The following SLC25A21 variants were observed in gnomAD, a reference collection of about 807,000 sequenced individuals.
The protein encoded by SLC25A21 is mitochondrial 2-oxodicarboxylate carrier.
In SLC25A21, 47 loss-of-function variants were observed where a neutral mutation model predicts 43.8. That is an observed-to-expected ratio of 1.07 (90% CI 0.85 to 1.37). The LOEUF is 1.37. SLC25A21 is among the 40% of genes most tolerant of loss of function. SLC25A21 has a pLI of 0.00. For missense variants in SLC25A21, 352 were observed against 350.2 expected (o/e 1.00, Z -0.04); for synonymous variants, 131 against 121.3 (o/e 1.08, Z -0.52).
intron 1 of SLC25A21, among the ~76,000 whole-genome samples, chr14:36,920,157 C>T (rs183195264): frequency 6.6e-5 from 10 of 151,984 alleles, no homozygotes; most frequent in African/African-American, 2.4e-4. Context: ...CTATTTTTCA[C>T]TTACGGCAGT....
chr14:36,850,767 C>T (rs1375304044), intron 2 of SLC25A21, among the ~76,000 whole-genome samples: 1 of 152,166 alleles, frequency 6.6e-6, no homozygotes, highest in African/African-American at 2.4e-5. Context: ...AATTTTAACA[C>T]TATCCAGCCA....
Position 36,679,271 on chromosome 14 carries a change from T to TACA in SLC25A21, c.*1384_*1386dup, listed in dbSNP as rs1882071490. Reference sequence around the variant, plus strand: ...TTTAAAAAACACGTTGGAAAGGATGTACAACAGAAGGCTATGTATGTATAT... The same window carrying TACA: ...TTTAAAAAACACGTTGGAAAGGATGTACAACAACAGAAGGCTATGTATGTATAT... On this transcript the variant is annotated 3_prime_UTR_variant, in exon 10 of 10. Coordinates refer to ENST00000331299, the MANE Select transcript of SLC25A21 (RefSeq NM_030631.4). 1 of 982,836 alleles carries TACA rather than the reference T, an allele frequency of 1.0e-6. No homozygotes were observed. The highest frequency in any genetic ancestry group is 1.2e-6 in the Non-Finnish European group (1 of 827,532). 60.9% of individuals were successfully genotyped at this position (982,836 alleles called of 1,614,324 possible). A position where few individuals can be genotyped will look rare whatever the true frequency, so the allele number is the denominator to read the frequency against.
chr14:36,710,569 A>C (rs771102802), intron 7 of SLC25A21, among the ~76,000 whole-genome samples: 3 of 151,890 alleles, frequency 2.0e-5, no homozygotes, highest in Non-Finnish European at 4.4e-5. Context: ...TAGCTTCACT[A>C]TAAGTGCACA....
At chr14:36,751,302 C>T (rs145633318) in intron 3 of SLC25A21, among the ~76,000 whole-genome samples, 2 of 152,194 alleles carry the variant, frequency 1.3e-5, no homozygotes, top group East Asian at 3.9e-4. Context: ...AGGAAGTAGC[C>T]CCTGCTGTAA....
intron 1 of SLC25A21, among the ~76,000 whole-genome samples, chr14:37,128,577 T>TGC (rs1555348866): frequency 5.4e-5 from 8 of 149,166 alleles, no homozygotes; most frequent in African/African-American, 2.0e-4. Flanking sequence ...TGTGTGTGTG[T>TGC]GCATTTTGCT....
At chr14:36,875,070 C>T (rs712384) in intron 1 of SLC25A21, 66 bp from the exon 2 acceptor site, 1,208,358 of 1,339,540 alleles carry the variant, frequency 0.9, 547,273 homozygotes, top group Non-Finnish European at 0.92. Flanking sequence ...TCCTTGATCC[C>T]GTCGATTTCT....
chr14:36,781,391 C>T (rs1481491395), intron 3 of SLC25A21, among the ~76,000 whole-genome samples: 1 of 152,034 alleles, frequency 6.6e-6, no homozygotes, highest in Admixed American at 6.6e-5. Context: ...GACTATACTT[C>T]CTTTGTTCCT....
chr14:36,770,161 C>A (rs924032291), intron 3 of SLC25A21, among the ~76,000 whole-genome samples: 4 of 152,146 alleles, frequency 2.6e-5, no homozygotes, highest in South Asian at 2.1e-4. Flanking sequence ...AAATGTGGTA[C>A]ATATACACCA....
chr14:36,941,409 T>C (rs1193613312), intron 1 of SLC25A21, among the ~76,000 whole-genome samples: 1 of 152,112 alleles, frequency 6.6e-6, no homozygotes. Context: ...AGCAATAGCA[T>C]TGATTGTAGC....
At chr14:36,805,189 C>A (rs1887994442) in intron 3 of SLC25A21, among the ~76,000 whole-genome samples, 1 of 152,178 alleles carries the variant, frequency 6.6e-6, no homozygotes, top group Admixed American at 6.5e-5. Flanking sequence ...CTTAATCAGG[C>A]CTTGCTGACG....
intron 1 of SLC25A21, among the ~76,000 whole-genome samples, chr14:36,887,285 C>T (rs1338295001): frequency 6.6e-6 from 1 of 151,374 alleles, no homozygotes; most frequent in Non-Finnish European, 1.5e-5. Flanking sequence ...AAAAAAAGGC[C>T]AGGCGCGGTG....
intron 3 of SLC25A21, among the ~76,000 whole-genome samples, chr14:36,763,796 C>T (rs531198755): frequency 6.6e-6 from 1 of 151,406 alleles, no homozygotes; most frequent in Non-Finnish European, 1.5e-5. Flanking sequence ...TTTAGGAGGC[C>T]GAAGCAGGTG....
rs953754700 is a variant in SLC25A21, at chr14:36,705,555, C to T, written c.603+5763G>A. ...TAAAGAATAAATACTTTCCCTCCAC[C>T]GCTGCTCACTTTCTCCCACTTAATC... is the stretch of plus-strand genomic sequence containing the variant. On this transcript the variant is annotated intron_variant, in intron 7 of 9. Coordinates refer to ENST00000331299, the MANE Select transcript of SLC25A21 (RefSeq NM_030631.4). 5.3e-5 allele frequency among the ~76,000 whole-genome samples: 8 copies of T among 152,024 alleles called. No individual in the cohort carries two copies. The East Asian group carries it at 5.8e-4, about 11-fold the overall frequency.
intron 1 of SLC25A21, among the ~76,000 whole-genome samples, chr14:37,132,609 C>T (rs894112402): frequency 4.6e-5 from 7 of 152,298 alleles, no homozygotes; most frequent in Admixed American, 2.6e-4. Context: ...CTTCTATTCT[C>T]TCTACCACCC....
At chr14:36,851,986 G>A (rs1206046555) in intron 2 of SLC25A21, among the ~76,000 whole-genome samples, 1 of 152,010 alleles carries the variant, frequency 6.6e-6, no homozygotes, top group Non-Finnish European at 1.5e-5. Flanking sequence ...TAAACATCTG[G>A]AAGAGTTAAT....
intron 1 of SLC25A21, among the ~76,000 whole-genome samples, chr14:36,980,722 G>A (rs976902383): frequency 6.6e-6 from 1 of 152,162 alleles, no homozygotes; most frequent in Non-Finnish European, 1.5e-5. Context: ...TCCTTTGGAG[G>A]AGAAGAGGCG....
chr14:36,895,558 T>C (rs1384799964), intron 1 of SLC25A21, among the ~76,000 whole-genome samples: 3 of 152,240 alleles, frequency 2.0e-5, no homozygotes, highest in Admixed American at 1.3e-4. Context: ...GCTCTGACCT[T>C]AGTTATTTCT....
chr14:36,813,518 C>T lies in SLC25A21; in HGVS notation c.203+400G>A, dbSNP rs533844314. ...GGAACTACAGGTGTGAGTCACTGCT[C>T]CCAGCCTTGATGCATCAATTTTTGA... On this transcript the variant is annotated intron_variant, in intron 3 of 9. Coordinates refer to ENST00000331299, the MANE Select transcript of SLC25A21 (RefSeq NM_030631.4). Among the ~76,000 whole-genome samples the T allele has an allele frequency of 5.9e-4, 90 of 152,154 alleles. No individual in the cohort carries two copies. The Middle Eastern group carries it at 0.014, about 23-fold the overall frequency.
rs548697888 is a variant in SLC25A21, at chr14:37,055,534, C to T, written c.70+116747G>A. Among the ~76,000 whole-genome samples the T allele has an allele frequency of 2.0e-5, 3 of 152,238 alleles. No homozygotes were observed. The South Asian group carries it at 6.2e-4, about 32-fold the overall frequency. On this transcript the variant is annotated intron_variant, in intron 1 of 9. Coordinates refer to ENST00000331299, the MANE Select transcript of SLC25A21 (RefSeq NM_030631.4). ...AACTTCTTATGACTTGGGAGCCTTA[C>T]AGCTTCAACCTGGGCCTCTTGAAAC...
Sources: gnomAD v4.1 joint callset for allele counts (sites outside exome capture counted in the v4.1 genomes callset) on GRCh38, gnomAD v4.1.1 for gene constraint, MANE v1.5 for transcripts, NCBI Gene and HGNC (gene_info 2026-07-23, HGNC 2026-07-21) for gene names.